Variants in PLEKHA8 observed in about 807,000 individuals in gnomAD.
The protein encoded by PLEKHA8 is pleckstrin homology domain-containing family A member 8.
PLEKHA8 carries 36 observed loss-of-function variants against 68.2 expected under a neutral mutation model. That is an observed-to-expected ratio of 0.53 (90% confidence interval 0.40 to 0.70). The LOEUF is 0.70. Among genes scored for constraint, PLEKHA8 ranks in the 30% least tolerant of loss-of-function variants. The pLI is 0.00. For synonymous variants in PLEKHA8, 211 were observed against 216.1 expected, an observed-to-expected ratio of 0.98 and a Z score of 0.20; for missense variants, 505 against 615.4, an observed-to-expected ratio of 0.82 and a Z score of 1.90.
intron 12 of PLEKHA8, among the ~76,000 whole-genome samples, chr7:30,068,098 A>G (rs904922101): frequency 6.6e-6 from 1 of 152,214 alleles, no homozygotes; most frequent in African/African-American, 2.4e-5. Flanking sequence ...GTGCTGCCAG[A>G]ACAGTGGTTC....
chr7:30,083,341 T>C lies in PLEKHA8; in HGVS notation c.*4554T>C. ...AGTCATTTCATAAAAAATAATTCAC[T>C]AGCTGTCTAATGGTATTTTAAGACT... On this transcript the variant is annotated 3_prime_UTR_variant, in exon 14 of 14. Coordinates refer to ENST00000449726, the MANE Select transcript of PLEKHA8 (RefSeq NM_001197026.2). 1 of 985,104 alleles carries C rather than the reference T, an allele frequency of 1.0e-6. No homozygotes were observed. The allele number at this position is 985,104 out of a possible 1,614,324, so 61.0% of individuals were successfully genotyped here.
intron 12 of PLEKHA8, among the ~76,000 whole-genome samples, chr7:30,065,736 C>G (rs1016735884): frequency 7.2e-5 from 11 of 152,276 alleles, no homozygotes; most frequent in African/African-American, 2.4e-4. Flanking sequence ...CCCAGTGTAA[C>G]TACTACACTA....
At chr7:30,065,448 AC>A (rs1255974790) in intron 12 of PLEKHA8, among the ~76,000 whole-genome samples, 2 of 151,646 alleles carry the variant, frequency 1.3e-5, no homozygotes, top group African/African-American at 4.9e-5. Context: ...CACAGACACA[AC>A]AAGCTCTGCG....
downstream of PLEKHA8, chr7:30,084,745 A>G (rs2128002154): frequency 4.7e-6 from 3 of 642,168 alleles, no homozygotes; most frequent in East Asian, 4.1e-4. Context: ...GCTGGGCATC[A>G]GTCTAAGCCG....
At chr7:30,104,068 C>T (rs1375316454) in intron 13 of PLEKHA8, among the ~76,000 whole-genome samples, 3 of 152,114 alleles carry the variant, frequency 2.0e-5, no homozygotes, top group Non-Finnish European at 4.4e-5. Flanking sequence ...TTATAAAAGA[C>T]CACATACAAA....
At chr7:30,089,584 T>G (rs1315233098), downstream of PLEKHA8, among the ~76,000 whole-genome samples, 1 of 152,206 alleles carries the variant, frequency 6.6e-6, no homozygotes, top group Non-Finnish European at 1.5e-5. Flanking sequence ...ATACCTGGTC[T>G]GAACAGAGCT....
intron 6 of PLEKHA8, 55 bp from the exon 7 acceptor site, chr7:30,052,654 A>T: frequency 4.2e-6 from 6 of 1,435,210 alleles, no homozygotes; most frequent in Non-Finnish European, 5.5e-6. Flanking sequence ...AAAAAAAAAA[A>T]AAAAAAGACC....
chr7:30,043,087 G>T (rs181273701), intron 1 of PLEKHA8, among the ~76,000 whole-genome samples: 1 of 148,556 alleles, frequency 6.7e-6, no homozygotes, highest in Non-Finnish European at 1.5e-5. Context: ...CTGCAGCCTC[G>T]ACCTTCCAGG....
chr7:30,033,713 AT>A (rs1415252077), intron 1 of PLEKHA8, among the ~76,000 whole-genome samples: 1 of 152,162 alleles, frequency 6.6e-6, no homozygotes, highest in Admixed American at 6.5e-5. Context: ...TTATTTAATA[AT>A]TTGAGAGACT....
chr7:30,128,530 TTTTA>T (rs1359585736), intron 13 of PLEKHA8, among the ~76,000 whole-genome samples: 1 of 152,260 alleles, frequency 6.6e-6, no homozygotes, highest in Non-Finnish European at 1.5e-5. Context: ...CTTGGTTTCT[TTTTA>T]TTTCTTTCTC....
intron 11 of PLEKHA8, 85 bp from the exon 12 acceptor site, chr7:30,062,587 T>C: frequency 1.1e-6 from 1 of 948,026 alleles, no homozygotes; most frequent in South Asian, 1.4e-5. Flanking sequence ...GTTACTGAAA[T>C]GGAAGCTGAT....
At position 30,084,084 on chromosome 7, in the gene PLEKHA8, C is replaced by T. The variant is rs1430647924; in HGVS notation, c.*5297C>T. Reference sequence around the variant, plus strand: ...GCCCAACTACCTCATGTGAAATTGGCTGTGGACAATCTGTGTCAGATGAGA... The same window carrying T: ...GCCCAACTACCTCATGTGAAATTGGTTGTGGACAATCTGTGTCAGATGAGA... On this transcript the variant is annotated 3_prime_UTR_variant, in exon 14 of 14. Coordinates refer to ENST00000449726, the MANE Select transcript of PLEKHA8 (RefSeq NM_001197026.2). 2.4e-5 allele frequency: 24 copies of T among 985,374 alleles called. No individual in the cohort carries two copies. Among genetic ancestry groups the T allele is most frequent in the Non-Finnish European group, 2.8e-5 (23 of 829,916 alleles). The allele number at this position is 985,374 out of a possible 1,614,324, so 61.0% of individuals were successfully genotyped here. A position where few individuals can be genotyped will look rare whatever the true frequency, so the allele number is the denominator to read the frequency against.
intron 13 of PLEKHA8, chr7:30,115,950 GCATA>G (rs756103232): frequency 2.0e-5 from 3 of 146,762 alleles, no homozygotes; most frequent in Non-Finnish European, 4.5e-5. Context: ...GCACACATAC[GCATA>G]CATGCATGCA....
At chr7:30,058,793 A>C (rs967525682) in intron 9 of PLEKHA8, among the ~76,000 whole-genome samples, 2 of 152,204 alleles carry the variant, frequency 1.3e-5, no homozygotes, top group Non-Finnish European at 2.9e-5. Flanking sequence ...TTAAGATTAC[A>C]TTATATCTCT....
At chr7:30,036,013 T>C (rs910117474) in intron 1 of PLEKHA8, among the ~76,000 whole-genome samples, 1 of 149,850 alleles carries the variant, frequency 6.7e-6, no homozygotes, top group African/African-American at 2.4e-5. Context: ...GCCAACACTT[T>C]GGGAGGCCGA....
intron 13 of PLEKHA8, among the ~76,000 whole-genome samples, chr7:30,125,504 C>T (rs1368790169): frequency 1.3e-5 from 2 of 152,120 alleles, no homozygotes; most frequent in Admixed American, 1.3e-4. Flanking sequence ...TTATTTTTAC[C>T]CTCAAGGAAA....
chr7:30,089,048 G>A (rs1326336678), downstream of PLEKHA8, among the ~76,000 whole-genome samples: 1 of 152,064 alleles, frequency 6.6e-6, no homozygotes, highest in Non-Finnish European at 1.5e-5. Flanking sequence ...ACATACAGTA[G>A]ATATGTCTCC....
chr7:30,069,454 C>G (rs1794092080), intron 12 of PLEKHA8, among the ~76,000 whole-genome samples: 1 of 152,196 alleles, frequency 6.6e-6, no homozygotes, highest in African/African-American at 2.4e-5. Context: ...AAAACACTTT[C>G]CTGTATACAA....
chr7:30,028,918 G>T (rs894160722), intron 1 of PLEKHA8, 116 bp downstream of exon 1: 32 of 1,114,278 alleles, frequency 2.9e-5, no homozygotes, highest in Middle Eastern at 4.5e-4. Context: ...CCTGAGGCCA[G>T]CGCGGAGCGG....
Sources: allele counts gnomAD v4.1 joint callset (sites outside exome capture counted in the v4.1 genomes callset), GRCh38; gene constraint gnomAD v4.1.1; transcripts MANE v1.5; gene names NCBI Gene and HGNC (gene_info 2026-07-23, HGNC 2026-07-21).